The following BOC variants were observed in gnomAD, a reference collection of about 807,000 sequenced individuals.
BOC encodes the protein brother of CDO.
BOC carries 76 observed loss-of-function variants against 112.0 expected under a neutral mutation model. The observed-to-expected ratio is 0.68, with a 90% confidence interval of 0.56 to 0.82. The LOEUF (loss-of-function observed/expected upper bound fraction) is 0.82. Ranked by LOEUF, BOC falls within the 40% of genes least tolerant of loss-of-function variation. The probability of loss-of-function intolerance (pLI) is 0.00; values close to 1 mark genes in which losing one functional copy is unlikely to be tolerated. For missense variants in BOC, 1,309 were observed against 1,511.7 expected (o/e 0.87, Z 2.22); for synonymous variants, 580 against 599.8 (o/e 0.97, Z 0.48).
chr3:113,280,415 G>A (rs933223784), intron 13 of BOC, 143 bp from the exon 14 acceptor site: 1 of 655,696 alleles, frequency 1.5e-6, no homozygotes, highest in Non-Finnish European at 2.7e-6. Flanking sequence ...GAGAACCTCA[G>A]GGATATCATT....
intron 2 of BOC, among the ~76,000 whole-genome samples, chr3:113,234,077 C>G (rs1943091900): frequency 6.6e-6 from 1 of 152,148 alleles, no homozygotes; most frequent in African/African-American, 2.4e-5. Context: ...CTTTGAGTAC[C>G]TGCTATATGT....
intron 2 of BOC, among the ~76,000 whole-genome samples, chr3:113,246,768 C>T (rs1449629650): frequency 6.6e-6 from 1 of 152,130 alleles, no homozygotes; most frequent in African/African-American, 2.4e-5. Context: ...AATGGTACTT[C>T]TTACAACTGT....
chr3:113,280,700 T>A (rs766433809), intron 14 of BOC, 37 bp downstream of exon 14: 2 of 1,498,622 alleles, frequency 1.3e-6, no homozygotes, highest in Non-Finnish European at 1.9e-6. Flanking sequence ...TTCTGCGTGA[T>A]ATAGTTTCCT....
chr3:113,241,317 C>T (rs553492827), intron 2 of BOC, among the ~76,000 whole-genome samples: 1 of 152,164 alleles, frequency 6.6e-6, no homozygotes, highest in African/African-American at 2.4e-5. Context: ...ACCACACTCA[C>T]CCACCCATAC....
intron 4 of BOC, among the ~76,000 whole-genome samples, chr3:113,252,353 T>C (rs1230721521): frequency 1.3e-5 from 2 of 152,208 alleles, no homozygotes; most frequent in Admixed American, 1.3e-4. Context: ...GGCATCCATG[T>C]CACCATCATC....
intron 1 of BOC, among the ~76,000 whole-genome samples, chr3:113,214,294 G>T (rs777388299): frequency 2.0e-5 from 3 of 152,112 alleles, no homozygotes; most frequent in Non-Finnish European, 4.4e-5. Flanking sequence ...TTGGGATCCC[G>T]GCTCTCTTCA....
rs570025087 is a variant in BOC, at chr3:113,239,105, TCAAA to T, written c.-81-10612_-81-10609del. Among the ~76,000 whole-genome samples the T allele has an allele frequency of 2.2e-4, 33 of 152,336 alleles. No individual in the cohort carries two copies. The South Asian group carries it at 6.6e-3, about 31-fold the overall frequency. ...GATACACTCGATTTGGAAGACAGCA[TCAAA>T]CAAAGTGTAAAAACATCTCAATTTT... On this transcript the variant is annotated intron_variant, in intron 2 of 19. Transcript: ENST00000682979.
chr3:113,261,959 T>C (rs1946929037), intron 4 of BOC: 1 of 151,396 alleles, frequency 6.6e-6, no homozygotes, highest in South Asian at 2.1e-4. Context: ...GTGCTTGGCA[T>C]CTACAAAGGT....
At chr3:113,227,427 G>A (rs147475797) in intron 2 of BOC, among the ~76,000 whole-genome samples, 16 of 152,348 alleles carry the variant, frequency 1.1e-4, no homozygotes, top group African/African-American at 3.6e-4. Flanking sequence ...CCAGAAAGAT[G>A]GAAGTGGGGA....
At chr3:113,245,669 T>G (rs1944830120) in intron 2 of BOC, among the ~76,000 whole-genome samples, 1 of 152,148 alleles carries the variant, frequency 6.6e-6, no homozygotes, top group Non-Finnish European at 1.5e-5. Context: ...GAGCAGGATT[T>G]TTTTCTTTTT....
At chr3:113,259,077 A>G (rs1191136079) in intron 4 of BOC, among the ~76,000 whole-genome samples, 2 of 152,216 alleles carry the variant, frequency 1.3e-5, no homozygotes, top group Non-Finnish European at 2.9e-5. Flanking sequence ...TGGTGCAAGT[A>G]CCCAGACAGA....
chr3:113,280,953 C>G, intron 14 of BOC, 78 bp from the exon 15 acceptor site: 8 of 1,570,972 alleles, frequency 5.1e-6, no homozygotes, highest in Non-Finnish European at 6.9e-6. Flanking sequence ...ACTGCCCCAG[C>G]TGAGTCTGAC....
chr3:113,282,041 A>G (rs573208671), intron 15 of BOC, among the ~76,000 whole-genome samples: 1 of 152,364 alleles, frequency 6.6e-6, no homozygotes, highest in South Asian at 2.1e-4. Context: ...GTCTTAGGCT[A>G]GGATGAGGAG....
rs920296187 is a variant in BOC at position 113,285,396 on chromosome 3, G to A, written c.2991G>A (p.Glu997=). ...ITRGPKSSPD[E]GSFLYTLPDD... ...GGGGTCCCAAGTCTAGCCCGGACGA[G>A]GGCTCTTTCTTATACACACTGCCCG... is the stretch of plus-strand genomic sequence containing the variant. Residue 997 remains glutamate (E), a synonymous_variant, in exon 19 of 20, where the codon GAG becomes GAA. Coordinates refer to ENST00000682979, the MANE Select transcript of BOC (RefSeq NM_001378074.1). The A allele has an allele frequency of 1.9e-6, 3 of 1,613,256 alleles. No individual in the cohort carries two copies. Among genetic ancestry groups the A allele is most frequent in the Admixed American group, 1.7e-5 (1 of 60,004 alleles).
At chr3:113,214,355 A>G (rs1354935610) in intron 1 of BOC, among the ~76,000 whole-genome samples, 2 of 152,214 alleles carry the variant, frequency 1.3e-5, no homozygotes, top group Non-Finnish European at 2.9e-5. Flanking sequence ...TACCCATGAA[A>G]TAATTCAGTT....
rs113799286 is a variant in BOC, at chr3:113,275,670, G to A, written c.1542+988G>A. Among the ~76,000 whole-genome samples the A allele has an allele frequency of 7.0e-3, 1,061 of 152,256 alleles. 16 individuals are homozygous for A. The highest frequency in any genetic ancestry group is 0.024 in the African/African-American group (1,013 of 41,540). ...AAATGCTATGTGCACTTGATGGAAA[G>A]CATATGAATGTGGAATTAAAAGTCT... On this transcript the variant is annotated intron_variant, in intron 9 of 19. Coordinates refer to ENST00000682979, the MANE Select transcript of BOC (RefSeq NM_001378074.1).
intron 18 of BOC, 100 bp downstream of exon 18, chr3:113,284,958 C>A: frequency 9.1e-7 from 1 of 1,098,946 alleles, no homozygotes; most frequent in Non-Finnish European, 1.4e-6. Flanking sequence ...AGCAGTAGTG[C>A]TGTACTCAGG....
rs754198324 is a variant in BOC at position 113,279,459 on chromosome 3, G to A, written c.2023+4G>A. ...GAGATCACGGGCCTAGAGAAAGGTA[G>A]GGGCCTGGCCACACCGTGGCCTTGG... On this transcript the variant is annotated splice_donor_region_variant and intron_variant, in intron 12 of 19. Transcript: ENST00000682979. The A allele has an allele frequency of 6.2e-7, 1 of 1,613,186 alleles. No individual in the cohort carries two copies. Among genetic ancestry groups the A allele is most frequent in the Non-Finnish European group, 8.5e-7 (1 of 1,179,844 alleles).
At position 113,273,328 on chromosome 3, in the gene BOC, G is replaced by T; in HGVS notation, c.1221G>T (p.Arg407=). The T allele has an allele frequency of 6.3e-7, 1 of 1,591,716 alleles. No homozygotes were observed. Among genetic ancestry groups the T allele is most frequent in the Non-Finnish European group, 8.6e-7 (1 of 1,162,368 alleles). ...VGSAHAVVQL[R]TSRPSITPRL... is the part of the protein sequence containing the mutation. ...GCGCCCATGCCGTAGTCCAGCTGCG[G>T]ACCTCCAGGCCAAGTGAGTGTAGCC... The change falls in exon 8 of 20, where the codon CGG becomes CGT. Residue 407 remains arginine, a synonymous_variant. Transcript: ENST00000682979.
Sources: allele counts gnomAD v4.1 joint callset (sites outside exome capture counted in the v4.1 genomes callset), GRCh38; gene constraint gnomAD v4.1.1; transcripts MANE v1.5; gene names NCBI Gene and HGNC (gene_info 2026-07-23, HGNC 2026-07-21).